The following BMPR1A variants were observed in gnomAD, a reference collection of about 807,000 sequenced individuals.
BMPR1A encodes the protein bone morphogenetic protein receptor type-1A.
In BMPR1A, 7 loss-of-function variants were observed where a neutral mutation model predicts 66.0. The observed-to-expected ratio is 0.11, with a 90% confidence interval of 0.06 to 0.20. The LOEUF (loss-of-function observed/expected upper bound fraction) is 0.20. Ranked by LOEUF, BMPR1A falls within the 10% of genes least tolerant of loss-of-function variation. The probability of loss-of-function intolerance (pLI) is 1.00; values close to 1 mark genes in which losing one functional copy is unlikely to be tolerated. For synonymous variants in BMPR1A, 200 were observed against 229.7 expected (o/e 0.87, Z 1.17); for missense variants, 408 against 669.1 (o/e 0.61, Z 4.31).
chr10:86,927,139 C>T lies in BMPR1A; in HGVS notation c.*3420C>T, dbSNP rs182446860. ...CCAAATTTTGATTTACTCTAACAAT[C>T]AGTACTTTTCTTCAGATGCTTTGTT... On this transcript the variant is annotated 3_prime_UTR_variant, in exon 13 of 13. Coordinates refer to ENST00000372037, the MANE Select transcript of BMPR1A (RefSeq NM_004329.3). 1 of 186,856 alleles carries T rather than the reference C, an allele frequency of 5.4e-6. No individual in the cohort carries two copies. The highest frequency in any genetic ancestry group is 8.7e-5 in the East Asian group (1 of 11,546). 11.6% of individuals were successfully genotyped at this position (186,856 alleles called of 1,614,324 possible).
chr10:86,811,970 G>C (rs1225358600), intron 1 of BMPR1A, among the ~76,000 whole-genome samples: 1 of 151,666 alleles, frequency 6.6e-6, no homozygotes, highest in Non-Finnish European at 1.5e-5. Flanking sequence ...AGTCCTGGCT[G>C]TTCGGGAGGC....
chr10:86,760,085 AAATT>A (rs938153750), intron 1 of BMPR1A, among the ~76,000 whole-genome samples: 2 of 149,032 alleles, frequency 1.3e-5, no homozygotes, highest in Non-Finnish European at 3.0e-5. Context: ...ATTTCTGCCT[AAATT>A]AATCTGTAAG....
At chr10:86,913,107 TTTTATTTTATTTTAC>T (rs1362862126) in intron 8 of BMPR1A, among the ~76,000 whole-genome samples, 4 of 151,946 alleles carry the variant, frequency 2.6e-5, no homozygotes, top group African/African-American at 9.7e-5. Flanking sequence ...TCTCTTCTTA[TTTTATTTTATTTTAC>T]TTTATTTTAT....
intron 1 of BMPR1A, among the ~76,000 whole-genome samples, chr10:86,829,669 A>G (rs1842242069): frequency 1.3e-5 from 2 of 152,248 alleles, no homozygotes; most frequent in African/African-American, 4.8e-5. Context: ...ATGGAATCAC[A>G]TAGTATGTGA....
At chr10:86,855,400 G>A (rs981079988) in intron 2 of BMPR1A, 1 of 785,216 alleles carries the variant, frequency 1.3e-6, no homozygotes, top group East Asian at 2.6e-5. Flanking sequence ...GTTTGATTTG[G>A]CAAATTTTCT....
chr10:86,834,301 C>T (rs1448722870), intron 1 of BMPR1A, among the ~76,000 whole-genome samples: 1 of 152,112 alleles, frequency 6.6e-6, no homozygotes, highest in East Asian at 1.9e-4. Context: ...TTCTGTAGTT[C>T]AGGTAAGTTA....
downstream of BMPR1A, chr10:86,929,404 TC>T (rs1843787530): frequency 6.6e-6 from 1 of 152,210 alleles, no homozygotes; most frequent in Non-Finnish European, 1.5e-5. Flanking sequence ...TGCAATACTT[TC>T]TTGTCATTTT....
chr10:86,760,248 C>CTTTTTTTTTTTTTTTTTTT (rs60211336), intron 1 of BMPR1A, among the ~76,000 whole-genome samples: 1 of 17,024 alleles, frequency 5.9e-5, no homozygotes, highest in African/African-American at 1.9e-4. Context: ...TTCTTTCTTT[C>CTTTTTTTTTTTTTTTTTTT]TTTTTTTTTT....
At chr10:86,845,869 C>T (rs1347462826) in intron 2 of BMPR1A, among the ~76,000 whole-genome samples, 7 of 151,792 alleles carry the variant, frequency 4.6e-5, no homozygotes, top group Non-Finnish European at 8.8e-5. Context: ...TGATGGCGGG[C>T]GCCTGTAGTC....
At chr10:86,813,473 G>A (rs75297913) in intron 1 of BMPR1A, among the ~76,000 whole-genome samples, 2,370 of 152,222 alleles carry the variant, frequency 0.016, 65 homozygotes, top group African/African-American at 0.055. Flanking sequence ...GGATAGTGCT[G>A]GGAGGTACTA....
chr10:86,812,042 A>G (rs1051979193), intron 1 of BMPR1A, among the ~76,000 whole-genome samples: 6 of 151,598 alleles, frequency 4.0e-5, no homozygotes, highest in African/African-American at 1.5e-4. Flanking sequence ...TGAGCATGCC[A>G]CTGCTCTCCA....
intron 11 of BMPR1A, among the ~76,000 whole-genome samples, chr10:86,922,237 TC>T (rs1465197433): frequency 6.6e-6 from 1 of 152,232 alleles, no homozygotes; most frequent in Non-Finnish European, 1.5e-5. Flanking sequence ...AGAATCTCAT[TC>T]TTTTTTCTGG....
chr10:86,819,401 C>T (rs1345309095), intron 1 of BMPR1A, among the ~76,000 whole-genome samples: 2 of 152,096 alleles, frequency 1.3e-5, no homozygotes, highest in African/African-American at 4.8e-5. Context: ...GTCTCTGCCT[C>T]CTGGGCTCAA....
At chr10:86,810,095 C>T (rs1841948535) in intron 1 of BMPR1A, among the ~76,000 whole-genome samples, 2 of 151,888 alleles carry the variant, frequency 1.3e-5, no homozygotes, top group African/African-American at 4.8e-5. Flanking sequence ...CTCAGCTTCC[C>T]GAGTAGCTGA....
chr10:86,871,088 GC>G (rs1223383079), intron 2 of BMPR1A, among the ~76,000 whole-genome samples: 1 of 151,834 alleles, frequency 6.6e-6, no homozygotes, highest in Non-Finnish European at 1.5e-5. Context: ...CAAGATCTTT[GC>G]CCACGGTGTT....
intron 1 of BMPR1A, among the ~76,000 whole-genome samples, chr10:86,757,381 A>AG (rs1429561339): frequency 2.6e-5 from 4 of 152,104 alleles, no homozygotes; most frequent in African/African-American, 9.7e-5. Flanking sequence ...CCCCGCGGGA[A>AG]GGGGCCCTGG....
intron 1 of BMPR1A, among the ~76,000 whole-genome samples, chr10:86,783,173 C>T (rs141304488): frequency 6.6e-6 from 1 of 152,294 alleles, no homozygotes; most frequent in Non-Finnish European, 1.5e-5. Context: ...ACCACATACA[C>T]AGGGGTTTAT....
chr10:86,851,584 C>T (rs896855924), intron 2 of BMPR1A, among the ~76,000 whole-genome samples: 3 of 152,120 alleles, frequency 2.0e-5, no homozygotes, highest in Non-Finnish European at 2.9e-5. Flanking sequence ...GGAAGTTGAA[C>T]GGGACTCCTC....
chr10:86,874,762 G>T (rs1315328189), intron 2 of BMPR1A, among the ~76,000 whole-genome samples: 3 of 128,354 alleles, frequency 2.3e-5, no homozygotes, highest in Admixed American at 8.7e-5. Context: ...CTGTCGTGTA[G>T]GCTGGAGTGC....
Sources: allele counts gnomAD v4.1 joint callset (sites outside exome capture counted in the v4.1 genomes callset), GRCh38; gene constraint gnomAD v4.1.1; transcripts MANE v1.5; gene names NCBI Gene and HGNC (gene_info 2026-07-23, HGNC 2026-07-21).